The following LETMD1 variants were observed in gnomAD, a reference collection of about 807,000 sequenced individuals.
LETMD1 encodes the protein LETM1 domain-containing protein 1.
Under a neutral mutation model 43.9 loss-of-function variants are expected in LETMD1, and 30 were observed. That is an observed-to-expected ratio of 0.68 (90% CI 0.51 to 0.93). The LOEUF (loss-of-function observed/expected upper bound fraction) is 0.93. Ranked by LOEUF, LETMD1 falls within the 40% of genes least tolerant of loss-of-function variation. The pLI is 0.00. For synonymous variants in LETMD1, 176 were observed against 163.1 expected, an observed-to-expected ratio of 1.08 and a Z score of -0.60; for missense variants, 413 against 447.7, an observed-to-expected ratio of 0.92 and a Z score of 0.70.
At chr12:51,063,554 G>A, downstream of LETMD1, 1 of 470,256 alleles carries the variant, frequency 2.1e-6, no homozygotes, top group Admixed American at 3.6e-5. Context: ...CCAGATCAAG[G>A]TAGGGCTGGT....
the LETMD1 span, chr12:51,067,691 C>T: frequency 6.2e-7 from 1 of 1,613,766 alleles, no homozygotes; most frequent in African/African-American, 1.3e-5. The surrounding 1 kb of genome is among the most constrained non-coding windows in gnomAD (Gnocchi z 4.1). Flanking sequence ...TAATCCCAGC[C>T]TGGCTGCAGG....
At chr12:51,067,529 T>C in the LETMD1 span, 1 of 737,390 alleles carries the variant, frequency 1.4e-6, no homozygotes, top group East Asian at 2.6e-5. The surrounding 1 kb of genome is among the most constrained non-coding windows in gnomAD (Gnocchi z 4.1). Flanking sequence ...CTTACTCTGT[T>C]GACGGAGGAG....
chr12:51,054,483 G>T (rs1193818522), intron 4 of LETMD1, among the ~76,000 whole-genome samples: 3 of 152,152 alleles, frequency 2.0e-5, no homozygotes, highest in African/African-American at 7.2e-5. Context: ...TATGTCTGGT[G>T]CCCTGGCAGG....
rs1320872155 is a variant in LETMD1, at chr12:51,055,971, C to G, written c.610C>G (p.Leu204Val). The G allele has an allele frequency of 3.1e-6, 5 of 1,614,154 alleles. No individual in the cohort carries two copies. Among genetic ancestry groups the G allele is most frequent in the Non-Finnish European group, 4.2e-6 (5 of 1,179,984 alleles). Residue 204 changes from leucine (L) to valine (V), a missense_variant, in exon 5 of 9, where the codon CTC (leucine) becomes GTC (valine). By Grantham distance (32) the Leu-to-Val change is conservative (BLOSUM62 1). Coordinates refer to ENST00000262055, the MANE Select transcript of LETMD1 (RefSeq NM_015416.5). ...IISYLEKVIPLISDAGLRWRL... is the reference protein window; with the variant it reads ...IISYLEKVIPVISDAGLRWRL... ...TAGTTATTTAGAAAAGGTCATCCCT[C>G]TCATTTCTGATGCAGGACTCCGGTG...
rs1948713835 is a variant in LETMD1 at position 51,060,043 on chromosome 12, G to T, written c.*612G>T. 1 of 152,938 alleles carries T rather than the reference G, an allele frequency of 6.5e-6. No individual in the cohort carries two copies. Among genetic ancestry groups the T allele is most frequent in the Non-Finnish European group, 1.5e-5 (1 of 68,348 alleles). 9.5% of individuals were successfully genotyped at this position (152,938 alleles called of 1,614,324 possible). A position where few individuals can be genotyped will look rare whatever the true frequency, so the allele number is the denominator to read the frequency against. ...CCTTTTTCTGATGGGTAACTTGCAGGAATATTCTATTGGAAAAGATAACAG... is the reference window on the plus strand; with the variant it reads ...CCTTTTTCTGATGGGTAACTTGCAGTAATATTCTATTGGAAAAGATAACAG... On this transcript the variant is annotated 3_prime_UTR_variant, in exon 9 of 9. Coordinates refer to ENST00000262055, the MANE Select transcript of LETMD1 (RefSeq NM_015416.5).
chr12:51,067,675 G>A, the LETMD1 span: 1 of 1,612,994 alleles, frequency 6.2e-7, no homozygotes, highest in Non-Finnish European at 8.5e-7. This position sits in a 1 kb window ranked among gnomAD's most constrained non-coding sequence, Gnocchi z 4.1. Context: ...GGACTGACCT[G>A]GCATTTAATC....
downstream of LETMD1, chr12:51,064,114 C>G (rs975616893): frequency 2.5e-6 from 4 of 1,614,114 alleles, no homozygotes; most frequent in African/African-American, 1.3e-5. Context: ...CTCTGCTCCA[C>G]TTGATAATAG....
Position 51,049,265 on chromosome 12 carries a change from CA to C in LETMD1, c.274+81del. 3.8e-6 allele frequency: 5 copies of C among 1,304,646 alleles called. No homozygotes were observed. The South Asian group carries it at 7.4e-5, about 19-fold the overall frequency. 80.8% of individuals were successfully genotyped at this position (1,304,646 alleles called of 1,614,324 possible). A position where few individuals can be genotyped will look rare whatever the true frequency, so the allele number is the denominator to read the frequency against. ...GAGTTAGCATAAATAAGATCATTTGCAGGTTCTGCTATGGGGATGTGAGCCG... is the reference window on the plus strand; with the variant it reads ...GAGTTAGCATAAATAAGATCATTTGCGGTTCTGCTATGGGGATGTGAGCCG... On this transcript the variant is annotated intron_variant, in intron 2 of 8. Transcript: ENST00000262055.
the LETMD1 span, chr12:51,067,836 C>T: frequency 1.5e-5 from 24 of 1,614,100 alleles, no homozygotes; most frequent in African/African-American, 8.0e-5. The surrounding 1 kb of genome is among the most constrained non-coding windows in gnomAD (Gnocchi z 4.1). Flanking sequence ...GGCCCGTCGC[C>T]GTTTGGTGGG....
In LETMD1 at chr12:51,059,349, CTG is replaced by C; in HGVS notation, c.1013-8_1013-7del. ...GTGTTCCCAAGCCAAACCACTAACA[CTG>C]TGTTTTCAGAAGCTGAGCTGTCTCT... is the stretch of plus-strand genomic sequence containing the variant. On this transcript the variant is annotated splice_polypyrimidine_tract_variant and intron_variant, in intron 8 of 8. Coordinates refer to ENST00000262055, the MANE Select transcript of LETMD1 (RefSeq NM_015416.5). 1.2e-6 allele frequency: 2 copies of C among 1,613,808 alleles called. No individual in the cohort carries two copies. The highest frequency in any genetic ancestry group is 1.6e-4 in the Middle Eastern group (1 of 6,062).
downstream of LETMD1, chr12:51,063,710 T>C (rs1937801255): frequency 6.9e-7 from 1 of 1,451,292 alleles, no homozygotes; most frequent in East Asian, 2.3e-5. Context: ...AGGGAATAAA[T>C]AGAGAATGGG....
At chr12:51,057,764 T>C in intron 7 of LETMD1, 3 of 414,592 alleles carry the variant, frequency 7.2e-6, no homozygotes, top group Non-Finnish European at 1.4e-5. Context: ...TAGCTGGGAC[T>C]GCAGGTGCAT....
At chr12:51,062,409 A>G (rs1592733137), downstream of LETMD1, 1 of 152,244 alleles carries the variant, frequency 6.6e-6, no homozygotes, top group African/African-American at 2.4e-5. Flanking sequence ...TGCTAATGAA[A>G]GGAAATCAGT....
downstream of LETMD1, chr12:51,064,623 C>T: frequency 6.5e-7 from 1 of 1,545,106 alleles, no homozygotes; most frequent in Non-Finnish European, 8.7e-7. Context: ...TGCCATGTTC[C>T]CACAGCCATC....
chr12:51,062,248 G>C (rs1937645751), downstream of LETMD1: 2 of 152,216 alleles, frequency 1.3e-5, no homozygotes. Context: ...ATAAGTAGGA[G>C]TAGTGTCTCC....
chr12:51,058,290 A>G, intron 8 of LETMD1, 162 bp downstream of exon 8: 1 of 624,182 alleles, frequency 1.6e-6, no homozygotes, highest in South Asian at 1.9e-5. Flanking sequence ...CCCGGCAGGT[A>G]ACGAAGTAGG....
chr12:51,063,166 ATTAAC>A (rs1937747305), downstream of LETMD1: 1 of 152,174 alleles, frequency 6.6e-6, no homozygotes, highest in Non-Finnish European at 1.5e-5. Context: ...CATGTCAAAT[ATTAAC>A]TTATTTACCA....
In LETMD1 at chr12:51,048,378, TGGGCTCGGTCGGCTGTGTG is replaced by T; in HGVS notation, c.31_49del (p.Ser11GlnfsTer37). 2 of 1,614,162 alleles carry T rather than the reference TGGGCTCGGTCGGCTGTGTG, an allele frequency of 1.2e-6. No individual in the cohort carries two copies. Among genetic ancestry groups the T allele is most frequent in the Non-Finnish European group, 1.7e-6 (2 of 1,180,034 alleles). ...GAAGATGGCGCTCTCCAGGGTGTGC[TGGGCTCGGTCGGCTGTGTG>T]GGGCTCGGCAGTCACCCCTGGACAT... is the stretch of plus-strand genomic sequence containing the variant. On this transcript the variant is annotated frameshift_variant, in exon 1 of 9. Coordinates refer to ENST00000262055, the MANE Select transcript of LETMD1 (RefSeq NM_015416.5). LOFTEE classifies it high-confidence loss of function.
the LETMD1 span, among the ~76,000 whole-genome samples, chr12:51,065,987 T>A: frequency 6.6e-6 from 1 of 152,162 alleles, no homozygotes; most frequent in African/African-American, 2.4e-5. Context: ...GGTATTGCTG[T>A]TTTCAACTGA....
Sources: gnomAD v4.1 joint callset for allele counts (sites outside exome capture counted in the v4.1 genomes callset) on GRCh38, gnomAD v4.1.1 for gene constraint, Gnocchi (gnomAD v3.1) non-coding constraint, MANE v1.5 for transcripts, NCBI Gene and HGNC (gene_info 2026-07-23, HGNC 2026-07-21) for gene names.